The following ADCY1 variants were observed in gnomAD, a reference collection of about 807,000 sequenced individuals.
ADCY1 encodes adenylate cyclase 1.
A neutral mutation model predicts 105.4 loss-of-function variants in ADCY1; 28 were observed. That is an observed-to-expected ratio of 0.27 (90% CI 0.20 to 0.36). The LOEUF (loss-of-function observed/expected upper bound fraction) is 0.36. Among genes scored for constraint, ADCY1 ranks in the 10% least tolerant of loss-of-function variants. The pLI is 1.00. For missense variants in ADCY1, 977 were observed against 1,434.2 expected (o/e 0.68, Z 5.15); for synonymous variants, 655 against 623.8 (o/e 1.05, Z -0.75).
intron 4 of ADCY1, among the ~76,000 whole-genome samples, chr7:45,624,135 C>T (rs1051387254): frequency 1.3e-5 from 2 of 152,054 alleles, no homozygotes; most frequent in African/African-American, 4.8e-5. Context: ...AAGAGGGCAC[C>T]CTGATTGGGG....
At chr7:45,626,504 T>G (rs1040542946) in intron 4 of ADCY1, among the ~76,000 whole-genome samples, 4 of 152,126 alleles carry the variant, frequency 2.6e-5, no homozygotes, top group African/African-American at 9.7e-5. Flanking sequence ...GAGGTTAGGA[T>G]ATCATTACAG....
chr7:45,605,117 T>C (rs1187231197), intron 2 of ADCY1, among the ~76,000 whole-genome samples: 3 of 152,196 alleles, frequency 2.0e-5, no homozygotes, highest in Non-Finnish European at 4.4e-5. Flanking sequence ...TCAGTGTCCA[T>C]GTGTTTATTG....
intron 2 of ADCY1, among the ~76,000 whole-genome samples, chr7:45,596,936 G>A (rs144215700): frequency 0.026 from 3,892 of 152,238 alleles, 68 homozygotes; most frequent in Middle Eastern, 0.044. Flanking sequence ...GTTTGGCGGT[G>A]GTTTTCTTTT....
intron 2 of ADCY1, among the ~76,000 whole-genome samples, chr7:45,609,198 C>T (rs1793461735): frequency 6.6e-6 from 1 of 152,138 alleles, no homozygotes; most frequent in Non-Finnish European, 1.5e-5. Context: ...TCCTATGGCT[C>T]CTGAACGTGA....
At chr7:45,586,738 G>A (rs531961238) in intron 1 of ADCY1, among the ~76,000 whole-genome samples, 57 of 152,338 alleles carry the variant, frequency 3.7e-4, no homozygotes, top group African/African-American at 1.2e-3. Context: ...GTCAGGGAGG[G>A]GGACAGAGGG....
rs1785463657 is a variant in ADCY1 at position 45,721,143 on chromosome 7, G to C, written c.*7148G>C. The stretch of plus-strand genomic sequence containing the variant: ...GGTGGAGGGGCCACCTCAGCAGGTG[G>C]GTTCTGAATGCAGCCAAGGCTGTCC... On this transcript the variant is annotated 3_prime_UTR_variant, in exon 20 of 20. Transcript: ENST00000297323. 6.6e-6 allele frequency: 1 copy of C among 152,264 alleles called. No homozygotes were observed. Among genetic ancestry groups the C allele is most frequent in the Non-Finnish European group, 1.5e-5 (1 of 68,066 alleles). 9.4% of individuals were successfully genotyped at this position (152,264 alleles called of 1,614,324 possible). A position where few individuals can be genotyped will look rare whatever the true frequency, so the allele number is the denominator to read the frequency against.
intron 14 of ADCY1, among the ~76,000 whole-genome samples, chr7:45,701,421 A>G (rs956974656): frequency 3.3e-5 from 5 of 152,218 alleles, no homozygotes; most frequent in Non-Finnish European, 7.3e-5. Flanking sequence ...TTTTTAAATC[A>G]CAATGCCATA....
rs111930963 is a variant in ADCY1, at chr7:45,657,469, A to T, written c.1149-258A>T. Among the ~76,000 whole-genome samples the T allele has an allele frequency of 0.016, 2,380 of 152,316 alleles. 26 individuals are homozygous for T. Among genetic ancestry groups the T allele is most frequent in the Middle Eastern group, 0.048 (14 of 294 alleles). On this transcript the variant is annotated intron_variant, in intron 5 of 19. Coordinates refer to ENST00000297323, the MANE Select transcript of ADCY1 (RefSeq NM_021116.4). ...TAGGAGGCCATGAATGGAACTCATG[A>T]GTCTGGTGTGGACATGGTGCGAGCT...
At chr7:45,590,780 AC>A (rs1316287217) in intron 1 of ADCY1, among the ~76,000 whole-genome samples, 6 of 151,804 alleles carry the variant, frequency 4.0e-5, no homozygotes, top group Non-Finnish European at 4.4e-5. Flanking sequence ...GCCTTCTCTG[AC>A]CCCTCACAGG....
In ADCY1 at chr7:45,721,497, A is replaced by C. The variant is rs1785471066; in HGVS notation, c.*7502A>C. Reference sequence around the variant, plus strand: ...GCCTCTCTGACATCAAATGGGGAGAAATGGTGGCACCTCCAGACACCCTGA... The same window carrying C: ...GCCTCTCTGACATCAAATGGGGAGACATGGTGGCACCTCCAGACACCCTGA... On this transcript the variant is annotated 3_prime_UTR_variant, in exon 20 of 20. Transcript: ENST00000297323. 2.5e-6 allele frequency: 1 copy of C among 395,382 alleles called. No individual in the cohort carries two copies. The highest frequency in any genetic ancestry group is 3.6e-5 in the East Asian group (1 of 27,954). The allele number at this position is 395,382 out of a possible 1,614,324, so 24.5% of individuals were successfully genotyped here. A position where few individuals can be genotyped will look rare whatever the true frequency, so the allele number is the denominator to read the frequency against.
chr7:45,655,016 C>T (rs535790396), intron 5 of ADCY1, among the ~76,000 whole-genome samples: 9 of 152,258 alleles, frequency 5.9e-5, no homozygotes, highest in African/African-American at 2.2e-4. Context: ...TCTAGAAATT[C>T]TGCCTAGGTG....
At position 45,703,824 on chromosome 7, in the gene ADCY1, A is replaced by G. The variant is rs1021339846; in HGVS notation, c.2718+78A>G. The G allele has an allele frequency of 1.5e-5, 23 of 1,487,982 alleles. No individual in the cohort carries two copies. Among genetic ancestry groups the G allele is most frequent in the Non-Finnish European group, 2.0e-5 (22 of 1,109,934 alleles). 92.2% of individuals were successfully genotyped at this position (1,487,982 alleles called of 1,614,324 possible). On this transcript the variant is annotated intron_variant, in intron 16 of 19. Transcript: ENST00000297323. The surrounding 1 kb of genome is among the most constrained non-coding windows in gnomAD (Gnocchi z 5.9). ...GTTGCGTGGGCAGAGCGTGTCTCAC[A>G]ATATGTCACATTCTTCGTAGCTGGA...
At chr7:45,700,223 C>A (rs1300415005) in intron 14 of ADCY1, among the ~76,000 whole-genome samples, 1 of 152,184 alleles carries the variant, frequency 6.6e-6, no homozygotes, top group Non-Finnish European at 1.5e-5. Flanking sequence ...GCCAGGGTCA[C>A]CCTGAATCTC....
intron 8 of ADCY1, among the ~76,000 whole-genome samples, chr7:45,673,653 A>T (rs1784402460): frequency 6.6e-6 from 1 of 151,268 alleles, no homozygotes; most frequent in Admixed American, 6.6e-5. Context: ...GTGTCTTTTC[A>T]CTCTTATTTT....
intron 4 of ADCY1, among the ~76,000 whole-genome samples, chr7:45,640,060 T>C (rs1665613527): frequency 6.6e-6 from 1 of 152,228 alleles, no homozygotes; most frequent in Non-Finnish European, 1.5e-5. Flanking sequence ...ACAAGTGTTG[T>C]GCCGGGTTTA....
chr7:45,607,211 G>A (rs898836367), intron 2 of ADCY1, among the ~76,000 whole-genome samples: 3 of 152,162 alleles, frequency 2.0e-5, no homozygotes, highest in Non-Finnish European at 4.4e-5. Context: ...GCTTACAGAA[G>A]TAACATAGCT....
chr7:45,583,435 T>A (rs1340850127), intron 1 of ADCY1, among the ~76,000 whole-genome samples: 2 of 152,216 alleles, frequency 1.3e-5, no homozygotes, highest in African/African-American at 4.8e-5. Flanking sequence ...ACATTCTGAA[T>A]CTGAGCACAA....
At chr7:45,667,047 G>A (rs1212862096) in intron 8 of ADCY1, among the ~76,000 whole-genome samples, 2 of 152,178 alleles carry the variant, frequency 1.3e-5, no homozygotes, top group Non-Finnish European at 2.9e-5. Context: ...CAGATGAGTA[G>A]ATTGCAAAAA....
In ADCY1 at chr7:45,721,442, T is replaced by C. The variant is rs956373149; in HGVS notation, c.*7447T>C. ...CTAATTTCAAATATACAGAATCTCC[T>C]TAAGAGCTGTTGCCTTATTTTTTTG... On this transcript the variant is annotated 3_prime_UTR_variant, in exon 20 of 20. Transcript: ENST00000297323. The C allele has an allele frequency of 5.2e-6, 2 of 382,484 alleles. No individual in the cohort carries two copies. The highest frequency in any genetic ancestry group is 9.2e-6 in the Non-Finnish European group (2 of 216,450). The allele number at this position is 382,484 out of a possible 1,614,324, so 23.7% of individuals were successfully genotyped here. A position where few individuals can be genotyped will look rare whatever the true frequency, so the allele number is the denominator to read the frequency against.
Sources: gnomAD v4.1 joint callset for allele counts (sites outside exome capture counted in the v4.1 genomes callset) on GRCh38, gnomAD v4.1.1 for gene constraint, Gnocchi (gnomAD v3.1) non-coding constraint, MANE v1.5 for transcripts, NCBI Gene and HGNC (gene_info 2026-07-23, HGNC 2026-07-21) for gene names.